The following SLC25A26 variants were observed in gnomAD, a reference collection of about 807,000 sequenced individuals.
SLC25A26 encodes solute carrier family 25 member 26, also known as mitochondrial S-adenosylmethionine carrier protein.
A neutral mutation model predicts 37.8 loss-of-function variants in SLC25A26; 36 were observed. The ratio of observed to expected loss-of-function variants is 0.95; its 90% CI spans 0.73 to 1.26. SLC25A26 has a LOEUF of 1.26. Among genes scored for constraint, SLC25A26 ranks in the 50% most tolerant of loss-of-function variants. The pLI is 0.00. For synonymous variants in SLC25A26, 129 were observed against 122.5 expected, an observed-to-expected ratio of 1.05 and a Z score of -0.35; for missense variants, 390 against 331.1, an observed-to-expected ratio of 1.18 and a Z score of -1.38.
At chr3:66,333,727 G>A (rs1443444133) in intron 5 of SLC25A26, among the ~76,000 whole-genome samples, 2 of 152,120 alleles carry the variant, frequency 1.3e-5, no homozygotes, top group Admixed American at 6.5e-5. Context: ...CCACCCAAGG[G>A]TCATCAGATC....
rs148625947 is a variant in SLC25A26, at chr3:66,161,716, A to G, written c.-354+27732A>G. Reference sequence around the variant, plus strand: ...TTTTTTCATTCATATCTATGCATTCATCTATGGGCAACATACATTTGCCTT... The same window carrying G: ...TTTTTTCATTCATATCTATGCATTCGTCTATGGGCAACATACATTTGCCTT... On this transcript the variant is annotated intron_variant, in intron 1 of 10. Coordinates refer to the SLC25A26 transcript ENST00000676754. Among the ~76,000 whole-genome samples, 1,472 of 152,246 alleles carry G rather than the reference A, an allele frequency of 9.7e-3. 15 individuals carry two copies. Among genetic ancestry groups the G allele is most frequent in the Non-Finnish European group, 0.015 (989 of 68,018 alleles).
At chr3:66,230,190 G>GACTA (rs200137823) in intron 1 of SLC25A26, among the ~76,000 whole-genome samples, 151,763 of 152,326 alleles carry the variant, frequency 1, 75,603 homozygotes, top group Middle Eastern at 1. Context: ...GAAGGCAGGT[G>GACTA]ACTGATCTGG....
intron 5 of SLC25A26, among the ~76,000 whole-genome samples, chr3:66,295,302 C>CA (rs1432020862): frequency 6.6e-6 from 1 of 152,052 alleles, no homozygotes; most frequent in African/African-American, 2.4e-5. Flanking sequence ...CAGCTCACTG[C>CA]AAGCTCTGCC....
At chr3:66,344,766 TG>T (rs1264388806) in intron 5 of SLC25A26, among the ~76,000 whole-genome samples, 1 of 152,196 alleles carries the variant, frequency 6.6e-6, no homozygotes, top group Non-Finnish European at 1.5e-5. Context: ...AAATATGACA[TG>T]GGTGTCTTAA....
chr3:66,228,268 G>A (rs1325985912), intron 1 of SLC25A26, among the ~76,000 whole-genome samples: 2 of 152,214 alleles, frequency 1.3e-5, no homozygotes, highest in Non-Finnish European at 2.9e-5. Context: ...ACTACCCACA[G>A]ATGGGACTAC....
At chr3:66,367,340 C>T (rs1031613766) in intron 7 of SLC25A26, among the ~76,000 whole-genome samples, 2 of 152,114 alleles carry the variant, frequency 1.3e-5, no homozygotes, top group African/African-American at 2.4e-5. Flanking sequence ...CTTTAGATCC[C>T]GTCTCAGCTC....
intron 1 of SLC25A26, among the ~76,000 whole-genome samples, chr3:66,177,904 T>C (rs2070618964): frequency 6.6e-6 from 1 of 152,222 alleles, no homozygotes; most frequent in Non-Finnish European, 1.5e-5. Context: ...GCAGCTGCTC[T>C]TTTATTCTAC....
chr3:66,244,610 T>A (rs924907860), intron 3 of SLC25A26, among the ~76,000 whole-genome samples: 52 of 152,290 alleles, frequency 3.4e-4, no homozygotes, highest in Admixed American at 9.2e-4. Context: ...ATTAGTTGTG[T>A]CATTATAATG....
At chr3:66,172,282 G>A (rs1245632686) in intron 1 of SLC25A26, among the ~76,000 whole-genome samples, 1 of 151,844 alleles carries the variant, frequency 6.6e-6, no homozygotes. Flanking sequence ...ATGGTGTCAT[G>A]CACCTGAAGT....
chr3:66,314,708 T>C (rs2075481582), intron 5 of SLC25A26, among the ~76,000 whole-genome samples: 1 of 152,148 alleles, frequency 6.6e-6, no homozygotes, highest in African/African-American at 2.4e-5. Context: ...AGCTCCTGTT[T>C]ATATTTCTGG....
At chr3:66,221,979 C>G (rs782145112) in intron 1 of SLC25A26, among the ~76,000 whole-genome samples, 1 of 151,776 alleles carries the variant, frequency 6.6e-6, no homozygotes, top group African/African-American at 2.4e-5. Flanking sequence ...ACAAGATAGA[C>G]CTGCTCCTAA....
chr3:66,149,289 C>T (rs2070165682), intron 1 of SLC25A26, among the ~76,000 whole-genome samples: 1 of 152,010 alleles, frequency 6.6e-6, no homozygotes, highest in Non-Finnish European at 1.5e-5. Flanking sequence ...ACTTTTTCAC[C>T]CTGGACAGCC....
intron 5 of SLC25A26, among the ~76,000 whole-genome samples, chr3:66,285,418 A>G (rs1404359522): frequency 1.3e-5 from 2 of 150,840 alleles, no homozygotes; most frequent in Non-Finnish European, 2.9e-5. Context: ...TCTTACTTTT[A>G]CATAAGGTAG....
At chr3:66,161,028 T>A (rs1451427165) in intron 1 of SLC25A26, among the ~76,000 whole-genome samples, 3 of 152,190 alleles carry the variant, frequency 2.0e-5, no homozygotes, top group Non-Finnish European at 4.4e-5. Context: ...CCCTCCTAAT[T>A]GTTCCCTCTG....
chr3:66,375,579 A>G (rs1285915972), intron 9 of SLC25A26, among the ~76,000 whole-genome samples: 6 of 151,322 alleles, frequency 4.0e-5, no homozygotes, highest in Non-Finnish European at 8.8e-5. Context: ...ATGGTGCTAA[A>G]TCGACTCTGC....
chr3:66,358,957 G>C (rs983293142), intron 6 of SLC25A26, among the ~76,000 whole-genome samples: 2 of 152,186 alleles, frequency 1.3e-5, no homozygotes, highest in Admixed American at 6.5e-5. Flanking sequence ...TTTACGTCAT[G>C]CTTTGTGTTT....
intron 1 of SLC25A26, among the ~76,000 whole-genome samples, chr3:66,229,699 GA>G (rs1288144315): frequency 1.3e-5 from 2 of 152,184 alleles, no homozygotes; most frequent in Non-Finnish European, 2.9e-5. Context: ...AGCTGTGTGA[GA>G]ACAGACTAAT....
chr3:66,365,561 G>A (rs373814047), intron 7 of SLC25A26, among the ~76,000 whole-genome samples: 4 of 152,122 alleles, frequency 2.6e-5, no homozygotes, highest in Non-Finnish European at 4.4e-5. Context: ...AGTATATTTT[G>A]ATTAGTTTCT....
chr3:66,276,752 A>C (rs570053133), intron 5 of SLC25A26, among the ~76,000 whole-genome samples: 24 of 151,790 alleles, frequency 1.6e-4, no homozygotes, highest in South Asian at 1.0e-3. Context: ...CTAGCAGATA[A>C]TTTATTGACT....
Sources: allele counts gnomAD v4.1 joint callset (sites outside exome capture counted in the v4.1 genomes callset), GRCh38; gene constraint gnomAD v4.1.1; transcripts MANE v1.5; gene names NCBI Gene and HGNC (gene_info 2026-07-23, HGNC 2026-07-21).